SMARCA2: variants seen among roughly 807,000 people sequenced by gnomAD.
SMARCA2 encodes SWI/SNF related BAF chromatin remodeling complex subunit ATPase 2.
SMARCA2 carries 61 observed loss-of-function variants against 199.8 expected under a neutral mutation model. The observed-to-expected ratio is 0.31, with a 90% CI of 0.25 to 0.38. The LOEUF (loss-of-function observed/expected upper bound fraction) is 0.38. SMARCA2 is among the 10% of genes least tolerant of loss of function. The pLI, the probability that SMARCA2 is intolerant of heterozygous loss-of-function variation, is 1.00. For missense variants in SMARCA2, 1,344 were observed against 2,012.2 expected, an observed-to-expected ratio of 0.67 and a Z score of 6.35; for synonymous variants, 935 against 732.0, an observed-to-expected ratio of 1.28 and a Z score of -4.48.
intron 27 of SMARCA2, among the ~76,000 whole-genome samples, chr9:2,155,720 CTTTTTTTTTTTTTTTTTTT>C (rs59156319): frequency 3.2e-4 from 17 of 53,190 alleles, no homozygotes; most frequent in East Asian, 1.5e-3. Context: ...AAGAGAAAAC[CTTTTTTTTTTTTTTTTTTT>C]TTTTTTTTTT....
Position 2,104,030 on chromosome 9 carries a change from G to A in SMARCA2, c.3153G>A (p.Lys1051=), listed in dbSNP as rs1427455764. ...NGAELYRASG[K]FELLDRILPK... ...CTGAACTGTATCGGGCCTCAGGGAA[G>A]TTTGAGCTGCTTGATCGTATTCTGC... Residue 1051 remains lysine (K), a synonymous_variant, in exon 23 of 34, where the codon AAG becomes AAA. Transcript: ENST00000349721. The surrounding 1 kb of genome is among the most constrained non-coding windows in gnomAD (Gnocchi z 4.0). 3.1e-6 allele frequency: 5 copies of A among 1,613,990 alleles called. No homozygotes were observed. Among genetic ancestry groups the A allele is most frequent in the Middle Eastern group, 3.3e-4 (2 of 6,084 alleles).
intron 27 of SMARCA2, among the ~76,000 whole-genome samples, chr9:2,142,732 A>T (rs1824525060): frequency 6.6e-6 from 1 of 152,174 alleles, no homozygotes. Flanking sequence ...GAGAACAAAG[A>T]TCTTCATTTT....
chr9:2,032,717 AAAACAAAC>A (rs111319405), intron 2 of SMARCA2: 68 of 364,034 alleles, frequency 1.9e-4, no homozygotes, highest in South Asian at 8.1e-4. Flanking sequence ...GATATTACAA[AAAACAAAC>A]AAACAAACAA....
Position 2,039,986 on chromosome 9 carries a change from G to T in SMARCA2, c.790+86G>T. The T allele has an allele frequency of 4.5e-6, 7 of 1,563,510 alleles. No individual in the cohort carries two copies. Among genetic ancestry groups the T allele is most frequent in the Non-Finnish European group, 4.3e-6 (5 of 1,157,966 alleles). ...TCACCAAAACACCGGGTTGTTAAAA[G>T]CCCGGGGCTGACGTAGCCTTTTGTT... is the stretch of plus-strand genomic sequence containing the variant. On this transcript the variant is annotated intron_variant, in intron 4 of 33. Transcript: ENST00000349721. The surrounding 1 kb of genome is among the most constrained non-coding windows in gnomAD (Gnocchi z 4.8).
intron 28 of SMARCA2, among the ~76,000 whole-genome samples, chr9:2,162,327 A>C (rs1212494537): frequency 6.6e-6 from 1 of 152,246 alleles, no homozygotes; most frequent in African/African-American, 2.4e-5. Context: ...AAAGCAAAAT[A>C]GATGCTTCAT....
In SMARCA2 at chr9:2,084,105, G is replaced by A; in HGVS notation, c.2435G>A (p.Arg812His). Residue 812 changes from arginine to histidine, a missense_variant, in exon 17 of 34, where the codon CGC (arginine) becomes CAC (histidine). By Grantham distance (29) the Arg-to-His change is conservative. Transcript: ENST00000349721. ...ATTCAGGGTACTCCTGCCATGCGTC[G>A]CTCCCTTGTCCCCCAGCTACGGAGT... is the stretch of plus-strand genomic sequence containing the variant. ...ISYKGTPAMR[R>H]SLVPQLRSGK... 6.2e-7 allele frequency: 1 copy of A among 1,608,932 alleles called. No homozygotes were observed. The highest frequency in any genetic ancestry group is 8.5e-7 in the Non-Finnish European group (1 of 1,175,652).
chr9:2,130,714 T>C (rs897367600), intron 27 of SMARCA2, among the ~76,000 whole-genome samples: 1 of 151,946 alleles, frequency 6.6e-6, no homozygotes, highest in African/African-American at 2.4e-5. Context: ...TACATACATA[T>C]ATATATACAC....
chr9:2,188,178 CAT>C (rs1312515104), intron 32 of SMARCA2, among the ~76,000 whole-genome samples: 1 of 151,982 alleles, frequency 6.6e-6, no homozygotes, highest in African/African-American at 2.4e-5. Flanking sequence ...TCTACAGCAA[CAT>C]ATATTAATAT....
intron 14 of SMARCA2, among the ~76,000 whole-genome samples, chr9:2,079,266 C>T (rs1199151466): frequency 6.6e-6 from 1 of 152,308 alleles, no homozygotes; most frequent in East Asian, 1.9e-4. Context: ...TGTTTAACTT[C>T]ATATTTCCCA....
At chr9:2,021,381 C>T (rs1260472208) in intron 1 of SMARCA2, among the ~76,000 whole-genome samples, 1 of 152,092 alleles carries the variant, frequency 6.6e-6, no homozygotes, top group East Asian at 1.9e-4. Flanking sequence ...CAAAAAGGAA[C>T]GTCATATGTT....
chr9:2,185,485 A>G (rs1341873921), intron 31 of SMARCA2, among the ~76,000 whole-genome samples: 1 of 152,210 alleles, frequency 6.6e-6, no homozygotes, highest in African/African-American at 2.4e-5. Flanking sequence ...GGGTGTGCCA[A>G]TGTCTTTTCA....
chr9:2,140,226 A>G (rs1363471579), intron 27 of SMARCA2, among the ~76,000 whole-genome samples: 1 of 152,222 alleles, frequency 6.6e-6, no homozygotes, highest in Non-Finnish European at 1.5e-5. Context: ...AGATGCTAAC[A>G]GGATCCAATT....
At chr9:2,175,870 T>G (rs576354277) in intron 29 of SMARCA2, among the ~76,000 whole-genome samples, 187 of 149,538 alleles carry the variant, frequency 1.3e-3, no homozygotes, top group Non-Finnish European at 1.8e-3. Context: ...TTTTTTTGGG[T>G]TTTTTTTGTT....
intron 8 of SMARCA2, among the ~76,000 whole-genome samples, chr9:2,059,420 T>C (rs1820489139): frequency 6.6e-6 from 1 of 152,158 alleles, no homozygotes; most frequent in African/African-American, 2.4e-5. Context: ...CTATCCTGCC[T>C]CCCTCTCCAT....
intron 27 of SMARCA2, among the ~76,000 whole-genome samples, chr9:2,141,924 G>T (rs985011567): frequency 2.6e-5 from 4 of 152,184 alleles, no homozygotes; most frequent in Admixed American, 2.0e-4. Context: ...TGGTCTAGCT[G>T]GCCCGGGGAG....
At chr9:2,054,559 C>T (rs752730298) in intron 5 of SMARCA2, 38 bp from the exon 6 acceptor site, 2 of 1,596,952 alleles carry the variant, frequency 1.3e-6, no homozygotes, top group South Asian at 1.1e-5. Flanking sequence ...ATGTGTTTTT[C>T]CCCTGCCCCC....
intron 2 of SMARCA2, among the ~76,000 whole-genome samples, chr9:2,031,739 C>T (rs1165425394): frequency 2.0e-5 from 3 of 152,192 alleles, no homozygotes; most frequent in African/African-American, 4.8e-5. Flanking sequence ...GCCCCAGCCC[C>T]TCAGATAGTT....
chr9:2,030,831 G>A (rs554814578), intron 2 of SMARCA2, among the ~76,000 whole-genome samples: 3 of 152,246 alleles, frequency 2.0e-5, no homozygotes, highest in East Asian at 3.9e-4. Context: ...CTCCAGTTAC[G>A]TAGGACTTTA....
intron 21 of SMARCA2, among the ~76,000 whole-genome samples, chr9:2,099,348 T>A (rs1822407411): frequency 1.3e-5 from 2 of 152,288 alleles, no homozygotes; most frequent in Non-Finnish European, 1.5e-5. Flanking sequence ...TGTATGGTAA[T>A]CTATGGGGGC....
Sources: gnomAD v4.1 joint callset for allele counts (sites outside exome capture counted in the v4.1 genomes callset) on GRCh38, gnomAD v4.1.1 for gene constraint, Gnocchi (gnomAD v3.1) non-coding constraint, MANE v1.5 for transcripts, NCBI Gene and HGNC (gene_info 2026-07-23, HGNC 2026-07-21) for gene names.